CCL22: variants seen among roughly 807,000 people sequenced by gnomAD.
The protein encoded by CCL22 is C-C motif chemokine 22.
A neutral mutation model predicts 7.6 loss-of-function variants in CCL22; 7 were observed. That is an observed-to-expected ratio of 0.92 (90% CI 0.52 to 1.72). The LOEUF is 1.72. Among genes scored for constraint, CCL22 ranks in the 40% most tolerant of loss-of-function variants. CCL22 has a pLI of 0.00. For synonymous variants in CCL22, 55 were observed against 47.2 expected (o/e 1.17, Z -0.68); for missense variants, 115 against 124.7 (o/e 0.92, Z 0.37).
At position 57,366,001 on chromosome 16, in the gene CCL22, A is replaced by G. The variant is rs1211968749; in HGVS notation, c.*2413A>G. The G allele has an allele frequency of 6.6e-6, 1 of 152,182 alleles. No homozygotes were observed. Among genetic ancestry groups the G allele is most frequent in the African/African-American group, 2.4e-5 (1 of 41,430 alleles). The allele number at this position is 152,182 out of a possible 1,614,324, so 9.4% of individuals were successfully genotyped here. A position where few individuals can be genotyped will look rare whatever the true frequency, so the allele number is the denominator to read the frequency against. Reference sequence around the variant, plus strand: ...GTGTGGGGAGTGACACTGCCTAGGCATCCAGCTCAGTGTCATCCAGGGCCT... The same window carrying G: ...GTGTGGGGAGTGACACTGCCTAGGCGTCCAGCTCAGTGTCATCCAGGGCCT... On this transcript the variant is annotated 3_prime_UTR_variant, in exon 3 of 3. Transcript: ENST00000219235.
At chr16:57,358,171 G>C (rs914824648), upstream of CCL22, among the ~76,000 whole-genome samples, 3 of 152,286 alleles carry the variant, frequency 2.0e-5, no homozygotes, top group Middle Eastern at 3.4e-3. Context: ...GACAGGAGTG[G>C]GGGAGGGAGA....
Position 57,363,762 on chromosome 16 carries a change from C to T in CCL22, c.*174C>T, listed in dbSNP as rs550822947. 1.7e-6 allele frequency: 1 copy of T among 601,856 alleles called. No individual in the cohort carries two copies. Among genetic ancestry groups the T allele is most frequent in the South Asian group, 1.9e-5 (1 of 52,058 alleles). The allele number at this position is 601,856 out of a possible 1,614,324, so 37.3% of individuals were successfully genotyped here. On this transcript the variant is annotated 3_prime_UTR_variant, in exon 3 of 3. Coordinates refer to ENST00000219235, the MANE Select transcript of CCL22 (RefSeq NM_002990.5). ...CCTCCGTGCTGTCACTGCCATCTCCCCCCTGACCCCTCTAACCCATCCTCT... is the reference window on the plus strand; with the variant it reads ...CCTCCGTGCTGTCACTGCCATCTCCTCCCTGACCCCTCTAACCCATCCTCT...
chr16:57,362,379 G>C (rs954082631), intron 2 of CCL22, among the ~76,000 whole-genome samples: 1 of 152,282 alleles, frequency 6.6e-6, no homozygotes, highest in Middle Eastern at 3.4e-3. Context: ...TCAGGACTTT[G>C]GGAGGCTGAG....
Position 57,364,170 on chromosome 16 carries a change from C to T in CCL22, c.*582C>T, listed in dbSNP as rs1902079225. ...TCTGTCCCCTCTTAATAACCCTAGT[C>T]ACAGTCTCCGCAGATTCTTGGGATT... On this transcript the variant is annotated 3_prime_UTR_variant, in exon 3 of 3. Coordinates refer to ENST00000219235, the MANE Select transcript of CCL22 (RefSeq NM_002990.5). 1 of 153,932 alleles carries T rather than the reference C, an allele frequency of 6.5e-6. No homozygotes were observed. Among genetic ancestry groups the T allele is most frequent in the South Asian group, 2.0e-4 (1 of 4,950 alleles). 9.5% of individuals were successfully genotyped at this position (153,932 alleles called of 1,614,324 possible). A position where few individuals can be genotyped will look rare whatever the true frequency, so the allele number is the denominator to read the frequency against.
chr16:57,363,855 C>A lies in CCL22; in HGVS notation c.*267C>A. Reference sequence around the variant, plus strand: ...TTCCCCTGCTTAAACCCTTCCATGACTCCCCACTGCCCTAAGCTGAGGTCA... The same window carrying A: ...TTCCCCTGCTTAAACCCTTCCATGAATCCCCACTGCCCTAAGCTGAGGTCA... On this transcript the variant is annotated 3_prime_UTR_variant, in exon 3 of 3. Transcript: ENST00000219235. 1 of 404,486 alleles carries A rather than the reference C, an allele frequency of 2.5e-6. No homozygotes were observed. Among genetic ancestry groups the A allele is most frequent in the Non-Finnish European group, 4.6e-6 (1 of 218,188 alleles). 25.1% of individuals were successfully genotyped at this position (404,486 alleles called of 1,614,324 possible).
intron 2 of CCL22, among the ~76,000 whole-genome samples, chr16:57,362,323 T>C (rs1719875830): frequency 6.6e-6 from 1 of 151,962 alleles, no homozygotes. Context: ...TTTATTTCAT[T>C]TTTTTAAATA....
Position 57,363,792 on chromosome 16 carries a change from C to T in CCL22, c.*204C>T, listed in dbSNP as rs1434888732. 1.8e-6 allele frequency: 1 copy of T among 568,072 alleles called. No homozygotes were observed. The highest frequency in any genetic ancestry group is 3.2e-6 in the Non-Finnish European group (1 of 315,588). The allele number at this position is 568,072 out of a possible 1,614,324, so 35.2% of individuals were successfully genotyped here. On this transcript the variant is annotated 3_prime_UTR_variant, in exon 3 of 3. Coordinates refer to ENST00000219235, the MANE Select transcript of CCL22 (RefSeq NM_002990.5). ...GACCCCTCTAACCCATCCTCTGCCT[C>T]CCTCCCTGCAGTCAGAGGGTCCTGT...
Position 57,363,665 on chromosome 16 carries a change from C to T in CCL22, c.*77C>T. 2.3e-6 allele frequency: 2 copies of T among 881,000 alleles called. No individual in the cohort carries two copies. Among genetic ancestry groups the T allele is most frequent in the Non-Finnish European group, 3.8e-6 (2 of 526,908 alleles). 54.6% of individuals were successfully genotyped at this position (881,000 alleles called of 1,614,324 possible). Reference sequence around the variant, plus strand: ...CCCTACCTCCCTGCCATTATAGCTGCTCCCCGCCAGAAGCCTGTGCCAACT... The same window carrying T: ...CCCTACCTCCCTGCCATTATAGCTGTTCCCCGCCAGAAGCCTGTGCCAACT... On this transcript the variant is annotated 3_prime_UTR_variant, in exon 3 of 3. Coordinates refer to ENST00000219235, the MANE Select transcript of CCL22 (RefSeq NM_002990.5).
intron 2 of CCL22, among the ~76,000 whole-genome samples, chr16:57,361,543 G>A (rs1902050304): frequency 6.6e-6 from 1 of 152,230 alleles, no homozygotes; most frequent in Non-Finnish European, 1.5e-5. Flanking sequence ...GTTGGAGCCA[G>A]AACTCACTCC....
chr16:57,360,984 G>GA (rs1902042958), intron 2 of CCL22, among the ~76,000 whole-genome samples: 1 of 152,112 alleles, frequency 6.6e-6, no homozygotes, highest in South Asian at 2.1e-4. Context: ...GGTGAACCAG[G>GA]CGTGGTGGCT....
At chr16:57,358,653 G>A (rs780665998), upstream of CCL22, 155 of 640,068 alleles carry the variant, frequency 2.4e-4, 1 homozygote, top group Middle Eastern at 8.2e-3. Context: ...TTTGGAGGAA[G>A]TGGGAGGTAG....
chr16:57,361,466 C>T (rs1279694442), intron 2 of CCL22, among the ~76,000 whole-genome samples: 1 of 152,114 alleles, frequency 6.6e-6, no homozygotes, highest in Non-Finnish European at 1.5e-5. Flanking sequence ...GGAAGTTCAA[C>T]GATTCCCATG....
chr16:57,360,458 A>G lies in CCL22; in HGVS notation c.95A>G (p.Glu32Gly). 3.7e-6 allele frequency: 6 copies of G among 1,614,210 alleles called. No homozygotes were observed. The highest frequency in any genetic ancestry group is 5.1e-6 in the Non-Finnish European group (6 of 1,180,030). The change falls in exon 2 of 3, where the codon GAA becomes GGA. Residue 32 changes from glutamate (E) to glycine (G), a missense_variant. By Grantham distance (98) the Glu-to-Gly change is moderately conservative. Transcript: ENST00000219235. Reference protein sequence around the residue: ...TEAGPYGANMEDSVCCRDYVR... With the variant: ...TEAGPYGANMGDSVCCRDYVR... Reference sequence around the variant, plus strand: ...CTAGGCCCCTACGGCGCCAACATGGAAGACAGCGTCTGCTGCCGTGATTAC... The same window carrying G: ...CTAGGCCCCTACGGCGCCAACATGGGAGACAGCGTCTGCTGCCGTGATTAC...
chr16:57,358,915 C>T, intron 1 of CCL22, 26 bp downstream of exon 1: 1 of 1,572,746 alleles, frequency 6.4e-7, no homozygotes, highest in Non-Finnish European at 8.7e-7. Flanking sequence ...AGGAAGACCC[C>T]CTACAGAGGC....
intron 2 of CCL22, 110 bp downstream of exon 2, chr16:57,360,670 G>A: frequency 1.5e-6 from 2 of 1,351,780 alleles, no homozygotes; most frequent in South Asian, 2.6e-5. Flanking sequence ...GAATGTGGCA[G>A]GGCTACCAGA....
rs1290250459 is a variant in CCL22 at position 57,365,643 on chromosome 16, T to C, written c.*2055T>C. 1.3e-5 allele frequency: 2 copies of C among 152,352 alleles called. No individual in the cohort carries two copies. The highest frequency in any genetic ancestry group is 2.9e-5 in the Non-Finnish European group (2 of 68,204). The allele number at this position is 152,352 out of a possible 1,614,324, so 9.4% of individuals were successfully genotyped here. On this transcript the variant is annotated 3_prime_UTR_variant, in exon 3 of 3. Transcript: ENST00000219235. ...TTTTTGTAGAGACGGGGTTTTGCCA[T>C]GTTACCCAGGCTGGTCTCAAACTCC...
intron 2 of CCL22, among the ~76,000 whole-genome samples, chr16:57,361,718 C>T (rs1169075841): frequency 2.0e-5 from 3 of 152,200 alleles, no homozygotes; most frequent in Non-Finnish European, 4.4e-5. Context: ...TCCAACTGCT[C>T]AGAGCCTGCT....
chr16:57,363,565 A>G lies in CCL22; in HGVS notation c.259A>G (p.Ile87Val). 6.2e-7 allele frequency: 1 copy of G among 1,613,388 alleles called. No homozygotes were observed. The highest frequency in any genetic ancestry group is 8.5e-7 in the Non-Finnish European group (1 of 1,179,478). Reference protein sequence around the residue: ...ADPRVPWVKMILNKLSQ With the variant: ...ADPRVPWVKMVLNKLSQ ...TCCCAGAGTGCCCTGGGTGAAGATG[A>G]TTCTCAATAAGCTGAGCCAATGAAG... is the stretch of plus-strand genomic sequence containing the variant. The change falls in exon 3 of 3, where the codon ATT becomes GTT. Residue 87 changes from isoleucine (I) to valine (V), a missense_variant. Transcript: ENST00000219235.
intron 2 of CCL22, among the ~76,000 whole-genome samples, chr16:57,363,246 C>T (rs1011844264): frequency 2.0e-5 from 3 of 152,200 alleles, no homozygotes; most frequent in Admixed American, 6.5e-5. Context: ...CCTCCTGCCT[C>T]GGCCTCCCAA....
Sources: gnomAD v4.1 joint callset for allele counts (sites outside exome capture counted in the v4.1 genomes callset) on GRCh38, gnomAD v4.1.1 for gene constraint, MANE v1.5 for transcripts, NCBI Gene and HGNC (gene_info 2026-07-23, HGNC 2026-07-21) for gene names.